DCHS2: variants seen among roughly 807,000 people sequenced by gnomAD.
The protein encoded by DCHS2 is protocadherin-23.
DCHS2 carries 142 observed loss-of-function variants against 182.4 expected under a neutral mutation model. That is an observed-to-expected ratio of 0.78 (90% CI 0.68 to 0.89). The LOEUF is 0.89. DCHS2 is among the 40% of genes least tolerant of loss of function. DCHS2 has a pLI of 0.00. For synonymous variants in DCHS2, 1,740 were observed against 1,663.3 expected (o/e 1.05, Z -1.12); for missense variants, 4,319 against 4,198.6 (o/e 1.03, Z -0.79).
At position 154,304,912 on chromosome 4, in the gene DCHS2, G is replaced by A. The variant is rs770162034; in HGVS notation, c.5396-34C>T. On this transcript the variant is annotated intron_variant, in intron 11 of 19. Transcript: ENST00000357232. ...GAACACAAAGACGGTATGAATTGTG[G>A]CCTTTGATTCATACCTAAAATATGT... The A allele has an allele frequency of 6.4e-6, 10 of 1,570,408 alleles. No individual in the cohort carries two copies. The East Asian group carries it at 1.6e-4, about 25-fold the overall frequency.
chr4:154,403,273 G>GT (rs1202316799), intron 1 of DCHS2, among the ~76,000 whole-genome samples: 1 of 152,118 alleles, frequency 6.6e-6, no homozygotes, highest in Non-Finnish European at 1.5e-5. Context: ...AGTGTTTCAT[G>GT]TAAGTATAAA....
At chr4:154,259,515 C>T in intron 15 of DCHS2, 30 bp downstream of exon 15, 2 of 1,609,626 alleles carry the variant, frequency 1.2e-6, no homozygotes, top group Non-Finnish European at 8.5e-7. Flanking sequence ...CACACACACA[C>T]ACACACACAC....
chr4:154,274,949 T>C (rs1456499233), intron 13 of DCHS2, among the ~76,000 whole-genome samples: 2 of 152,020 alleles, frequency 1.3e-5, no homozygotes, highest in Non-Finnish European at 2.9e-5. Context: ...AGCCATCTCA[T>C]TGAACCCTCA....
chr4:154,316,807 G>A (rs1220878619), intron 9 of DCHS2, among the ~76,000 whole-genome samples: 1 of 151,946 alleles, frequency 6.6e-6, no homozygotes, highest in Non-Finnish European at 1.5e-5. Context: ...AAAAAGCAAA[G>A]ATGTTATAAC....
chr4:154,241,090 T>C (rs1731803241), intron 17 of DCHS2, among the ~76,000 whole-genome samples: 1 of 152,162 alleles, frequency 6.6e-6, no homozygotes, highest in Non-Finnish European at 1.5e-5. Flanking sequence ...CATTATATGC[T>C]TACAACACAA....
chr4:154,286,102 T>G (rs1734382275), intron 13 of DCHS2, among the ~76,000 whole-genome samples: 1 of 151,876 alleles, frequency 6.6e-6, no homozygotes, highest in South Asian at 2.1e-4. Flanking sequence ...TTCTTCTGGG[T>G]TATATCCAGG....
At position 154,235,937 on chromosome 4, in the gene DCHS2, T is replaced by C; in HGVS notation, c.8715A>G (p.Ser2905=). The C allele has an allele frequency of 6.2e-7, 1 of 1,614,050 alleles. No individual in the cohort carries two copies. The highest frequency in any genetic ancestry group is 8.5e-7 in the Non-Finnish European group (1 of 1,179,958). The change falls in exon 20 of 20, where the codon TCA becomes TCG. Residue 2905 remains serine, a synonymous_variant. Transcript: ENST00000357232. Reference sequence around the variant, plus strand: ...CTCCATCAATACCAGCATCTGCATCTGAGGCTTCCACTCTGCCAATCAACT... The same window carrying C: ...CTCCATCAATACCAGCATCTGCATCCGAGGCTTCCACTCTGCCAATCAACT... ...DRQLIGRVEA[S]DADAGIDGVI...
chr4:154,451,325 A>G (rs1187471221), intron 1 of DCHS2, among the ~76,000 whole-genome samples: 2 of 152,204 alleles, frequency 1.3e-5, no homozygotes, highest in African/African-American at 4.8e-5. Context: ...TTGGCTTGCT[A>G]CTGGGCCTTA....
intron 13 of DCHS2, among the ~76,000 whole-genome samples, chr4:154,273,909 G>T (rs1733710268): frequency 6.6e-6 from 1 of 152,136 alleles, no homozygotes; most frequent in Admixed American, 6.6e-5. Flanking sequence ...CTACCCTGCT[G>T]CTGGGTGCAC....
At chr4:154,266,052 C>T (rs1373075228) in intron 14 of DCHS2, among the ~76,000 whole-genome samples, 1 of 152,172 alleles carries the variant, frequency 6.6e-6, no homozygotes, top group African/African-American at 2.4e-5. Flanking sequence ...TGAATGTGGT[C>T]TCTCTTGCAA....
In DCHS2 at chr4:154,490,297, C is replaced by G; in HGVS notation, c.1059G>C (p.Ala353=). The change falls in exon 1 of 20, where the codon GCG becomes GCC. Residue 353 remains alanine, a synonymous_variant. Transcript: ENST00000357232. ...AGSGGGALGD[A]AYFAVEELSG... ...TCAGCTCCTCCACCGCGAAGTAGGC[C>G]GCGTCGCCCAGTGCCCCGCCGCCGC... The G allele has an allele frequency of 6.5e-7, 1 of 1,547,202 alleles. No homozygotes were observed.
chr4:154,290,847 A>C (rs1734626808), intron 13 of DCHS2, among the ~76,000 whole-genome samples: 1 of 152,134 alleles, frequency 6.6e-6, no homozygotes, highest in African/African-American at 2.4e-5. Flanking sequence ...AAAAGAAAAC[A>C]TTGGGGAAAC....
At chr4:154,260,826 T>C (rs1188841909) in intron 14 of DCHS2, among the ~76,000 whole-genome samples, 1 of 152,192 alleles carries the variant, frequency 6.6e-6, no homozygotes, top group Non-Finnish European at 1.5e-5. Context: ...GCTCAGGGTC[T>C]GGCCTCCAGA....
chr4:154,236,157 CCT>C lies in DCHS2; in HGVS notation c.8493_8494del (p.Asp2833TyrfsTer4), dbSNP rs772304810. 16 of 1,613,564 alleles carry C rather than the reference CCT, an allele frequency of 9.9e-6. No homozygotes were observed. The Middle Eastern group carries it at 4.9e-4, about 50-fold the overall frequency. On this transcript the variant is annotated frameshift_variant, in exon 20 of 20. Transcript: ENST00000357232. LOFTEE classifies it low-confidence loss of function (END_TRUNC). ...AAGGATTTGCTTAGCATGAATATCC[CCT>C]GTCAAAGGGTCAATGAGGAAGAGAT...
intron 1 of DCHS2, among the ~76,000 whole-genome samples, chr4:154,405,408 T>C (rs1031193300): frequency 5.3e-5 from 8 of 151,246 alleles, no homozygotes; most frequent in African/African-American, 1.5e-4. Flanking sequence ...TGATTTTTTT[T>C]CCCAAATTTG....
chr4:154,379,978 T>A (rs1276118200), intron 1 of DCHS2, among the ~76,000 whole-genome samples: 1 of 152,118 alleles, frequency 6.6e-6, no homozygotes, highest in Non-Finnish European at 1.5e-5. Context: ...GGGAAGGGTT[T>A]CTACTTTCAT....
At chr4:154,372,413 A>G (rs970817255) in intron 2 of DCHS2, among the ~76,000 whole-genome samples, 2 of 152,152 alleles carry the variant, frequency 1.3e-5, no homozygotes, top group Admixed American at 6.5e-5. Context: ...AACTTTTCTC[A>G]TGAATGTAAA....
chr4:154,430,486 T>C (rs956168585), intron 1 of DCHS2, among the ~76,000 whole-genome samples: 2 of 152,126 alleles, frequency 1.3e-5, no homozygotes, highest in African/African-American at 2.4e-5. Flanking sequence ...AAAATTAAAA[T>C]ATGACCCCAC....
intron 13 of DCHS2, among the ~76,000 whole-genome samples, chr4:154,273,160 A>G (rs904779633): frequency 2.0e-5 from 3 of 152,168 alleles, no homozygotes; most frequent in Non-Finnish European, 4.4e-5. Context: ...TGTTTAGGGC[A>G]GCACAATTCA....
Sources: gnomAD v4.1 joint callset for allele counts (sites outside exome capture counted in the v4.1 genomes callset) on GRCh38, gnomAD v4.1.1 for gene constraint, MANE v1.5 for transcripts, NCBI Gene and HGNC (gene_info 2026-07-23, HGNC 2026-07-21) for gene names.